The following OSBPL7 variants were observed in gnomAD, a reference collection of about 807,000 sequenced individuals.
OSBPL7 encodes oxysterol binding protein like 7.
A neutral mutation model predicts 115.8 loss-of-function variants in OSBPL7; 66 were observed. The observed-to-expected ratio is 0.57, with a 90% CI of 0.47 to 0.70. The LOEUF (loss-of-function observed/expected upper bound fraction) is 0.70. Ranked by LOEUF, OSBPL7 falls within the 30% of genes least tolerant of loss-of-function variation. OSBPL7 has a pLI of 0.00. For missense variants in OSBPL7, 902 were observed against 1,125.5 expected, an observed-to-expected ratio of 0.80 and a Z score of 2.84; for synonymous variants, 441 against 439.2, an observed-to-expected ratio of 1.00 and a Z score of -0.05.
chr17:47,815,114 G>A (rs141763665), intron 13 of OSBPL7, 101 bp downstream of exon 13: 2 of 1,443,384 alleles, frequency 1.4e-6, no homozygotes, highest in African/African-American at 2.8e-5. Context: ...AGCTGAGGTG[G>A]TGAGAAGGGG....
At position 47,807,986 on chromosome 17, in the gene OSBPL7, G is replaced by C. The variant is rs1399191940; in HGVS notation, c.*305C>G. The C allele has an allele frequency of 2.4e-6, 1 of 417,712 alleles. No homozygotes were observed. The highest frequency in any genetic ancestry group is 4.4e-6 in the Non-Finnish European group (1 of 224,894). The allele number at this position is 417,712 out of a possible 1,614,324, so 25.9% of individuals were successfully genotyped here. ...AATAGGGAACAGATCCTGGGAGCCA[G>C]AGTCTCCCCCAAGTACCCCAAAGGG... On this transcript the variant is annotated 3_prime_UTR_variant, in exon 23 of 23. Transcript: ENST00000007414.
intron 4 of OSBPL7, 181 bp downstream of exon 4, chr17:47,819,548 T>A: frequency 2.9e-6 from 2 of 699,774 alleles, no homozygotes; most frequent in Admixed American, 4.7e-5. Context: ...GGGATGGTGC[T>A]CTCCCATTAG....
rs180834115 is a variant in OSBPL7, at chr17:47,813,850, C to T, written c.1352-16G>A. 5 of 1,596,066 alleles carry T rather than the reference C, an allele frequency of 3.1e-6. No homozygotes were observed. The highest frequency in any genetic ancestry group is 4.3e-6 in the Non-Finnish European group (5 of 1,174,406). On this transcript the variant is annotated splice_polypyrimidine_tract_variant and intron_variant, in intron 14 of 22. Transcript: ENST00000007414. ...ACACACCCCCCTGGGGCCGCCCTGCCATGTCACTCTCCATCTGGGCACCAG... is the reference window on the plus strand; with the variant it reads ...ACACACCCCCCTGGGGCCGCCCTGCTATGTCACTCTCCATCTGGGCACCAG...
intron 18 of OSBPL7, among the ~76,000 whole-genome samples, chr17:47,810,277 T>C (rs969805787): frequency 6.6e-6 from 1 of 152,226 alleles, no homozygotes; most frequent in East Asian, 1.9e-4. Flanking sequence ...TGTGTGTATG[T>C]GTACACATTG....
chr17:47,814,459 T>C, intron 14 of OSBPL7, 62 bp downstream of exon 14: 1 of 1,506,524 alleles, frequency 6.6e-7, no homozygotes, highest in Non-Finnish European at 9.1e-7. Flanking sequence ...GCCTGGGCCA[T>C]GGACAAACCC....
In OSBPL7 at chr17:47,816,380, G is replaced by A; in HGVS notation, c.1023+8C>T. The A allele has an allele frequency of 1.3e-6, 2 of 1,498,046 alleles. No homozygotes were observed. The highest frequency in any genetic ancestry group is 2.0e-4 in the Middle Eastern group (1 of 5,098). 92.8% of individuals were successfully genotyped at this position (1,498,046 alleles called of 1,614,324 possible). On this transcript the variant is annotated splice_region_variant and intron_variant, in intron 11 of 22. Coordinates refer to ENST00000007414, the MANE Select transcript of OSBPL7 (RefSeq NM_145798.3). The surrounding 1 kb of genome is among the most constrained non-coding windows in gnomAD (Gnocchi z 5.8). Reference sequence around the variant, plus strand: ...CCCGCACCAGTCACCCTGTCCCCCAGGCCTCACCCCCATTCTTGACAACTC... The same window carrying A: ...CCCGCACCAGTCACCCTGTCCCCCAAGCCTCACCCCCATTCTTGACAACTC...
Position 47,813,653 on chromosome 17 carries a change from G to A in OSBPL7, c.1533C>T (p.Cys511=), listed in dbSNP as rs116213787. Residue 511 remains cysteine, a synonymous_variant, in exon 15 of 23, where the codon TGC becomes TGT. Coordinates refer to ENST00000007414, the MANE Select transcript of OSBPL7 (RefSeq NM_145798.3). Reference sequence around the variant, plus strand: ...GGAGGCTGCTGTACTCCAGCTCCTCGCAGAGCCGCTGCAGAGTGTTGAGCG... The same window carrying A: ...GGAGGCTGCTGTACTCCAGCTCCTCACAGAGCCGCTGCAGAGTGTTGAGCG... ...NEPLNTLQRL[C]EELEYSSLLD... 1.1e-3 allele frequency: 1,749 copies of A among 1,613,152 alleles called. 13 individuals are homozygous for A. The African/African-American group carries it at 0.02, about 18-fold the overall frequency.
In OSBPL7 at chr17:47,813,659, C is replaced by T. The variant is rs780540091; in HGVS notation, c.1527G>A (p.Arg509=). 6.2e-7 allele frequency: 1 copy of T among 1,613,266 alleles called. No individual in the cohort carries two copies. The highest frequency in any genetic ancestry group is 1.1e-5 in the South Asian group (1 of 91,092). The change falls in exon 15 of 23, where the codon CGG becomes CGA. Residue 509 remains arginine (R), a synonymous_variant. Coordinates refer to ENST00000007414, the MANE Select transcript of OSBPL7 (RefSeq NM_145798.3). ...TGCTGTACTCCAGCTCCTCGCAGAGCCGCTGCAGAGTGTTGAGCGGCTCGT... is the reference window on the plus strand; with the variant it reads ...TGCTGTACTCCAGCTCCTCGCAGAGTCGCTGCAGAGTGTTGAGCGGCTCGT... ...QLNEPLNTLQ[R]LCEELEYSSL...
Position 47,814,543 on chromosome 17 carries a change from C to T in OSBPL7, c.1329G>A (p.Arg443=), listed in dbSNP as rs1374196133. The T allele has an allele frequency of 2.0e-5, 32 of 1,613,832 alleles. No individual in the cohort carries two copies. Among genetic ancestry groups the T allele is most frequent in the African/African-American group, 2.7e-5 (2 of 74,904 alleles). Residue 443 remains arginine (R), a synonymous_variant, in exon 14 of 23, where the codon AGG becomes AGA. Coordinates refer to ENST00000007414, the MANE Select transcript of OSBPL7 (RefSeq NM_145798.3). Reference sequence around the variant, plus strand: ...CACCTTTCTGACAGCGCTCAGCTCCCCTGAGGTCCAGCATCTCCTCAGACA... The same window carrying T: ...CACCTTTCTGACAGCGCTCAGCTCCTCTGAGGTCCAGCATCTCCTCAGACA... ...TSLSEEMLDL[R]GAERCQKGGC...
chr17:47,818,547 C>A lies in OSBPL7; in HGVS notation c.439G>T (p.Asp147Tyr). ...LRAHRLAHRLDMPRGSLPSTA... is the reference protein window; with the variant it reads ...LRAHRLAHRLYMPRGSLPSTA... ...CTGGGCAGTGAGCCACGGGGCATGT[C>A]CAGGCGGTGGGCTAGGCGGTGGGCA... The change falls in exon 6 of 23, where the codon GAC (aspartate) becomes TAC (tyrosine). Residue 147 changes from aspartate (D) to tyrosine (Y), a missense_variant. By Grantham distance (160) the Asp-to-Tyr change is radical. Coordinates refer to ENST00000007414, the MANE Select transcript of OSBPL7 (RefSeq NM_145798.3). 1 of 1,610,978 alleles carries A rather than the reference C, an allele frequency of 6.2e-7. No homozygotes were observed. The highest frequency in any genetic ancestry group is 8.5e-7 in the Non-Finnish European group (1 of 1,178,530).
chr17:47,816,687 A>T lies in OSBPL7; in HGVS notation c.804T>A (p.Arg268=). 6.2e-7 allele frequency: 1 copy of T among 1,613,964 alleles called. No homozygotes were observed. Among genetic ancestry groups the T allele is most frequent in the South Asian group, 1.1e-5 (1 of 91,074 alleles). Residue 268 remains arginine, a synonymous_variant, in exon 10 of 23, where the codon CGT becomes CGA. Coordinates refer to ENST00000007414, the MANE Select transcript of OSBPL7 (RefSeq NM_145798.3). The surrounding 1 kb of genome is among the most constrained non-coding windows in gnomAD (Gnocchi z 5.8). Reference sequence around the variant, plus strand: ...ACAGGTTGGGAACAGAGCCATGGAGACGACCAACCTGTAGGTGAAGGGGAA... The same window carrying T: ...ACAGGTTGGGAACAGAGCCATGGAGTCGACCAACCTGTAGGTGAAGGGGAA... ...AKDDTIGRVG[R]LHGSVPNLSR...
chr17:47,814,623 G>A lies in OSBPL7; in HGVS notation c.1258-9C>T. 2.5e-6 allele frequency: 4 copies of A among 1,613,686 alleles called. No homozygotes were observed. The highest frequency in any genetic ancestry group is 3.4e-6 in the Non-Finnish European group (4 of 1,179,772). ...TCCTCCTCCTCTGAGCCCTGGGCCA[G>A]GACAGATGACAGGCCGGGCAGACTG... is the stretch of plus-strand genomic sequence containing the variant. On this transcript the variant is annotated splice_polypyrimidine_tract_variant and intron_variant, in intron 13 of 22. Coordinates refer to ENST00000007414, the MANE Select transcript of OSBPL7 (RefSeq NM_145798.3).
Position 47,808,859 on chromosome 17 carries a change from C to T in OSBPL7, c.2297+5G>A. On this transcript the variant is annotated splice_donor_5th_base_variant and intron_variant, in intron 21 of 22. Coordinates refer to ENST00000007414, the MANE Select transcript of OSBPL7 (RefSeq NM_145798.3). The surrounding 1 kb of genome is among the most constrained non-coding windows in gnomAD (Gnocchi z 6.1). ...GTTCTAGGCCGGCACCCATCCGGCA[C>T]TGACCTCTGGTCTGGCCGGAGTCTC... 1 of 1,614,214 alleles carries T rather than the reference C, an allele frequency of 6.2e-7. No homozygotes were observed. The highest frequency in any genetic ancestry group is 8.5e-7 in the Non-Finnish European group (1 of 1,180,030).
chr17:47,813,448 C>T (rs750449731), intron 15 of OSBPL7, 45 bp from the exon 16 acceptor site: 2 of 1,610,458 alleles, frequency 1.2e-6, no homozygotes, highest in Admixed American at 3.3e-5. Context: ...ACGGGGCCGC[C>T]ACCCCAAGCA....
At chr17:47,809,611 G>T in intron 18 of OSBPL7, 133 bp from the exon 19 acceptor site, 1 of 984,110 alleles carries the variant, frequency 1.0e-6, no homozygotes, top group Non-Finnish European at 1.5e-6. Flanking sequence ...CAGTTCTGCA[G>T]TGAAGGATGA....
chr17:47,810,820 G>C lies in OSBPL7; in HGVS notation c.1753C>G (p.Pro585Ala), dbSNP rs754212903. The C allele has an allele frequency of 3.1e-6, 5 of 1,613,638 alleles. No homozygotes were observed. The highest frequency in any genetic ancestry group is 2.2e-5 in the East Asian group (1 of 44,894). ...FISEQVSHHP[P>A]ISACHAESEN... ...GACTCTGCATGGCAGGCCGAGATAG[G>C]GGGGTGGTGGGAGACCTTGGTGAGC... The change falls in exon 17 of 23, where the codon CCT (proline) becomes GCT (alanine). Residue 585 changes from proline to alanine, a missense_variant. Physicochemically the swap from Pro to Ala is conservative, Grantham distance 27 (BLOSUM62 -1). This residue lies in a region of OSBPL7 where 667 missense variants were observed against 788.7 expected (regional missense o/e 0.85). Transcript: ENST00000007414.
In OSBPL7 at chr17:47,810,669, A is replaced by G. The variant is rs2033012435; in HGVS notation, c.1805T>C (p.Met602Thr). The G allele has an allele frequency of 6.2e-7, 1 of 1,613,756 alleles. No individual in the cohort carries two copies. The highest frequency in any genetic ancestry group is 1.3e-5 in the African/African-American group (1 of 74,890). Residue 602 changes from methionine (M) to threonine (T), a missense_variant, in exon 18 of 23, where the codon ATG (methionine) becomes ACG (threonine). Met to Thr is a moderately conservative substitution (Grantham distance 81). This residue lies in a region of OSBPL7 where 5 missense variants were observed against 24.0 expected (regional missense o/e 0.21). Coordinates refer to ENST00000007414, the MANE Select transcript of OSBPL7 (RefSeq NM_145798.3). Reference sequence around the variant, plus strand: ...GCCCCAGAACTTGTTCTTCCACTTCATATCTGGAATTGGATTAGGGGAGGG... The same window carrying G: ...GCCCCAGAACTTGTTCTTCCACTTCGTATCTGGAATTGGATTAGGGGAGGG... ...ESENFAFWQDMKWKNKFWGKS... is the reference protein window; with the variant it reads ...ESENFAFWQDTKWKNKFWGKS...
At chr17:47,809,044 C>T in intron 20 of OSBPL7, 32 bp downstream of exon 20, 1 of 1,613,812 alleles carries the variant, frequency 6.2e-7, no homozygotes, top group Non-Finnish European at 8.5e-7. Context: ...CTGCTCCAGC[C>T]TCACCCAGCC....
intron 7 of OSBPL7, among the ~76,000 whole-genome samples, chr17:47,817,885 C>T (rs2033274032): frequency 1.3e-5 from 2 of 152,140 alleles, no homozygotes; most frequent in Non-Finnish European, 2.9e-5. Flanking sequence ...TGGGGATGTG[C>T]TCACCCTCTC....
Sources: allele counts gnomAD v4.1 joint callset (sites outside exome capture counted in the v4.1 genomes callset), GRCh38; gene constraint gnomAD v4.1.1; regional missense constraint gnomAD v4.1.1; non-coding constraint Gnocchi (gnomAD v3.1); transcripts MANE v1.5; gene names NCBI Gene and HGNC (gene_info 2026-07-23, HGNC 2026-07-21).